The following MYPN variants were observed in gnomAD, a reference collection of about 807,000 sequenced individuals.
MYPN encodes the protein sarcomeric protein myopalladin, 145 kDa (MYOP).
MYPN carries 63 observed loss-of-function variants against 129.4 expected under a neutral mutation model. The ratio of observed to expected loss-of-function variants is 0.49; its 90% CI spans 0.40 to 0.60. MYPN has a LOEUF of 0.60. Among genes scored for constraint, MYPN ranks in the 20% least tolerant of loss-of-function variants. The pLI is 0.00. For missense variants in MYPN, 1,596 were observed against 1,635.4 expected, an observed-to-expected ratio of 0.98 and a Z score of 0.42; for synonymous variants, 629 against 600.9, an observed-to-expected ratio of 1.05 and a Z score of -0.68.
At chr10:68,112,111 G>C (rs2042090055) in intron 1 of MYPN, among the ~76,000 whole-genome samples, 1 of 152,194 alleles carries the variant, frequency 6.6e-6, no homozygotes, top group South Asian at 2.1e-4. Context: ...TGAATGGTGA[G>C]ATCTTGAGAG....
chr10:68,165,779 T>C lies in MYPN; in HGVS notation c.1561T>C (p.Tyr521His). The change falls in exon 9 of 20, where the codon TAC becomes CAC. Residue 521 changes from tyrosine to histidine, a missense_variant. Transcript: ENST00000358913. ...GCFTCTASNKYGTVSSIAQLH... is the reference protein window; with the variant it reads ...GCFTCTASNKHGTVSSIAQLH... ...CTTCACATGTACTGCAAGCAACAAATACGGCACAGTGTCAAGCATTGCACA... is the reference window on the plus strand; with the variant it reads ...CTTCACATGTACTGCAAGCAACAAACACGGCACAGTGTCAAGCATTGCACA... The C allele has an allele frequency of 6.2e-7, 1 of 1,614,204 alleles. No homozygotes were observed. The highest frequency in any genetic ancestry group is 8.5e-7 in the Non-Finnish European group (1 of 1,180,028).
In MYPN at chr10:68,109,572, A is replaced by C; in HGVS notation, c.-153A>C. On this transcript the variant is annotated 5_prime_UTR_variant, in exon 1 of 20. Transcript: ENST00000358913. ...TCACTGAAACTAAGGTTAACTCCTCACTCTCTATGGACGGCTACTCTCTAT... is the reference window on the plus strand; with the variant it reads ...TCACTGAAACTAAGGTTAACTCCTCCCTCTCTATGGACGGCTACTCTCTAT... 2.2e-6 allele frequency: 1 copy of C among 453,716 alleles called. No individual in the cohort carries two copies. Among genetic ancestry groups the C allele is most frequent in the South Asian group, 1.6e-5 (1 of 64,452 alleles). 28.1% of individuals were successfully genotyped at this position (453,716 alleles called of 1,614,324 possible).
intron 12 of MYPN, among the ~76,000 whole-genome samples, chr10:68,185,161 G>C: frequency 1.4e-5 from 2 of 143,834 alleles, no homozygotes; most frequent in South Asian, 4.8e-4. Flanking sequence ...AGGGAGGGAG[G>C]GAAGGAGGGA....
At chr10:68,166,261 C>G (rs956819986) in intron 9 of MYPN, 33 bp from the exon 10 acceptor site, 2 of 1,613,732 alleles carry the variant, frequency 1.2e-6, no homozygotes, top group Non-Finnish European at 1.7e-6. Flanking sequence ...CTTACAGTGG[C>G]TGACAGCTCA....
At chr10:68,138,071 T>G (rs2042514496) in intron 2 of MYPN, among the ~76,000 whole-genome samples, 2 of 151,938 alleles carry the variant, frequency 1.3e-5, no homozygotes, top group Non-Finnish European at 2.9e-5. Flanking sequence ...ATCAAGGACA[T>G]TTTTTGGTGA....
intron 1 of MYPN, among the ~76,000 whole-genome samples, chr10:68,096,922 A>G (rs985178017): frequency 6.6e-6 from 1 of 152,356 alleles, no homozygotes; most frequent in South Asian, 2.1e-4. Flanking sequence ...AATACGCTCA[A>G]TTATTATTTT....
rs901998338 is a variant in MYPN, at chr10:68,143,833, C to A, written c.1078+718C>A. On this transcript the variant is annotated intron_variant, in intron 3 of 19. Transcript: ENST00000358913. Reference sequence around the variant, plus strand: ...GCAGTGACACCATCTCGGCCCACTGCAACCTCCGCCTCCCGGGTTCAAGTG... The same window carrying A: ...GCAGTGACACCATCTCGGCCCACTGAAACCTCCGCCTCCCGGGTTCAAGTG... Among the ~76,000 whole-genome samples, 12 of 152,204 alleles carry A rather than the reference C, an allele frequency of 7.9e-5. 1 individual carries two copies. The highest frequency in any genetic ancestry group is 2.6e-4 in the Admixed American group (4 of 15,286).
intron 12 of MYPN, among the ~76,000 whole-genome samples, chr10:68,175,786 G>A (rs991882910): frequency 2.6e-5 from 4 of 152,144 alleles, no homozygotes; most frequent in African/African-American, 9.7e-5. Flanking sequence ...AACAGGTCTC[G>A]ATCTGTCACC....
In MYPN at chr10:68,161,758, G is replaced by C. The variant is rs775382618; in HGVS notation, c.1483+6G>C. ...TCGATCCATGGCAGAGCCAGGTAAA[G>C]ATGATTTCAACTTTAATTTATTAGT... On this transcript the variant is annotated splice_donor_region_variant and intron_variant, in intron 8 of 19. Transcript: ENST00000358913. 21 of 1,606,962 alleles carry C rather than the reference G, an allele frequency of 1.3e-5. No individual in the cohort carries two copies. The Admixed American group carries it at 3.2e-4, about 24-fold the overall frequency.
At chr10:68,088,815 A>C (rs2041918109) in intron 1 of MYPN, among the ~76,000 whole-genome samples, 5 of 152,216 alleles carry the variant, frequency 3.3e-5, no homozygotes, top group Admixed American at 3.3e-4. Context: ...AATGGATTTT[A>C]GAAAATTTAC....
chr10:68,106,519 T>C (rs959359490), upstream of MYPN: 4 of 625,410 alleles, frequency 6.4e-6, no homozygotes, highest in African/African-American at 7.4e-5. Flanking sequence ...ACTTTCTCTG[T>C]TTTTCAAAAA....
chr10:68,093,735 T>C (rs687145), intron 1 of MYPN, among the ~76,000 whole-genome samples: 81,230 of 150,178 alleles, frequency 0.54, 25,743 homozygotes, highest in African/African-American at 0.86. Context: ...CCAGCCTGGG[T>C]GACAGAGCGA....
intron 10 of MYPN, among the ~76,000 whole-genome samples, chr10:68,171,340 C>T (rs1329294500): frequency 6.6e-6 from 1 of 152,114 alleles, no homozygotes; most frequent in Non-Finnish European, 1.5e-5. Context: ...TTTAGGGCAG[C>T]AGTTCTCAGT....
intron 16 of MYPN, among the ~76,000 whole-genome samples, chr10:68,198,626 C>A (rs1255835735): frequency 6.6e-6 from 1 of 152,158 alleles, no homozygotes; most frequent in African/African-American, 2.4e-5. Context: ...TGCCTGGGTC[C>A]CATCCGCAGA....
intron 12 of MYPN, among the ~76,000 whole-genome samples, chr10:68,177,740 G>T (rs1275624026): frequency 6.6e-6 from 1 of 152,168 alleles, no homozygotes; most frequent in African/African-American, 2.4e-5. Flanking sequence ...GCAGTCCGGG[G>T]TCACAGGAAT....
intron 8 of MYPN, 127 bp downstream of exon 8, chr10:68,161,879 TG>T: frequency 1.3e-6 from 1 of 750,404 alleles, no homozygotes; most frequent in Non-Finnish European, 2.2e-6. Context: ...AAGATCCAAA[TG>T]GGCCGGGTGC....
rs2043921211 is a variant in MYPN at position 68,211,800 on chromosome 10, C to G, written c.*1345C>G. 1 of 453,992 alleles carries G rather than the reference C, an allele frequency of 2.2e-6. No individual in the cohort carries two copies. Among genetic ancestry groups the G allele is most frequent in the Non-Finnish European group, 4.4e-6 (1 of 226,798 alleles). 28.1% of individuals were successfully genotyped at this position (453,992 alleles called of 1,614,324 possible). A position where few individuals can be genotyped will look rare whatever the true frequency, so the allele number is the denominator to read the frequency against. On this transcript the variant is annotated 3_prime_UTR_variant, in exon 20 of 20. Transcript: ENST00000358913. ...GTCCAAACACTGCCCTGGGAATGCT[C>G]ATCACAGCACAGTTTGCTCTAGGCT...
chr10:68,095,395 C>G (rs1391783890), intron 1 of MYPN, among the ~76,000 whole-genome samples: 1 of 151,616 alleles, frequency 6.6e-6, no homozygotes, highest in African/African-American at 2.4e-5. Context: ...ATGCATATGA[C>G]TAACTCTTTT....
chr10:68,099,606 C>T (rs1341160764), intron 1 of MYPN, among the ~76,000 whole-genome samples: 1 of 151,686 alleles, frequency 6.6e-6, no homozygotes, highest in African/African-American at 2.4e-5. Flanking sequence ...TGCCACTGCA[C>T]TCCAGCCTGG....
Sources: allele counts gnomAD v4.1 joint callset (sites outside exome capture counted in the v4.1 genomes callset), GRCh38; gene constraint gnomAD v4.1.1; transcripts MANE v1.5; gene names NCBI Gene and HGNC (gene_info 2026-07-23, HGNC 2026-07-21).